The following FRA10AC1 variants were observed in gnomAD, a reference collection of about 807,000 sequenced individuals.
FRA10AC1 encodes the protein protein FRA10AC1.
A neutral mutation model predicts 56.5 loss-of-function variants in FRA10AC1; 43 were observed. That is an observed-to-expected ratio of 0.76 (90% CI 0.60 to 0.98). FRA10AC1 has a LOEUF of 0.98. Ranked by LOEUF, FRA10AC1 falls within the 50% of genes least tolerant of loss-of-function variation. FRA10AC1 has a pLI of 0.00. For missense variants in FRA10AC1, 346 were observed against 351.8 expected (o/e 0.98, Z 0.13); for synonymous variants, 112 against 110.5 (o/e 1.01, Z -0.09).
At chr10:93,684,262 T>C (rs2058986557) in intron 9 of FRA10AC1, among the ~76,000 whole-genome samples, 164 bp from the exon 10 acceptor site, 1 of 152,086 alleles carries the variant, frequency 6.6e-6, no homozygotes, top group South Asian at 2.1e-4. Context: ...AAAATGCAAA[T>C]ATATACACAC....
At chr10:93,701,812 G>GAAC (rs2059337477) in intron 1 of FRA10AC1, among the ~76,000 whole-genome samples, 1 of 151,952 alleles carries the variant, frequency 6.6e-6, no homozygotes, top group Non-Finnish European at 1.5e-5. Context: ...TGTGTTTAGA[G>GAAC]ATATATTCTA....
intron 12 of FRA10AC1, 35 bp from the exon 13 acceptor site, chr10:93,670,883 ATTATAC>A (rs750702644): frequency 2.2e-6 from 3 of 1,382,876 alleles, no homozygotes; most frequent in Non-Finnish European, 3.1e-6. Flanking sequence ...TTAAAAACCT[ATTATAC>A]TTAAAGCACA....
chr10:93,692,199 A>C (rs2059135408), intron 6 of FRA10AC1, 106 bp from the exon 7 acceptor site: 3 of 790,698 alleles, frequency 3.8e-6, no homozygotes, highest in Admixed American at 3.8e-5. Context: ...TAATGTTTTA[A>C]GAGAACTATT....
chr10:93,671,139 T>A, intron 12 of FRA10AC1: 1 of 288,040 alleles, frequency 3.5e-6, no homozygotes, highest in Non-Finnish European at 6.7e-6. Flanking sequence ...GTAAGTCAAT[T>A]ATCTCTTGCA....
chr10:93,682,907 G>T (rs534857404), intron 10 of FRA10AC1, among the ~76,000 whole-genome samples: 1 of 151,540 alleles, frequency 6.6e-6, no homozygotes, highest in South Asian at 2.1e-4. Flanking sequence ...TACTATATAG[G>T]CACATTTATA....
At chr10:93,702,590 TCCGGTCCG>T in exon 1 of FRA10AC1, 1 of 221,974 alleles carries the variant, frequency 4.5e-6, no homozygotes, top group Non-Finnish European at 8.9e-6. Flanking sequence ...GGGCACCACT[TCCGGTCCG>T]ACACGGCCAC....
At chr10:93,692,977 C>T (rs762390106) in intron 5 of FRA10AC1, among the ~76,000 whole-genome samples, 3 of 151,970 alleles carry the variant, frequency 2.0e-5, no homozygotes, top group Admixed American at 6.6e-5. Context: ...TTCAATTATA[C>T]AAATGGTGCT....
intron 2 of FRA10AC1, 69 bp downstream of exon 2, chr10:93,699,959 CTT>C (rs757909498): frequency 8.5e-5 from 72 of 849,540 alleles, no homozygotes; most frequent in East Asian, 5.6e-4. Context: ...AAATTTCACT[CTT>C]GTTTATTTAT....
In FRA10AC1 at chr10:93,689,483, A is replaced by T. The variant is rs150742848; in HGVS notation, c.466-2034T>A. On this transcript the variant is annotated intron_variant, in intron 7 of 13. Coordinates refer to ENST00000359204, the MANE Select transcript of FRA10AC1 (RefSeq NM_145246.5). ...ATGTGGAGATTGCTTGCCATCCAAC[A>T]TATGTTAGGATGTCTACTGAAGCAC... Among the ~76,000 whole-genome samples, 400 of 152,214 alleles carry T rather than the reference A, an allele frequency of 2.6e-3. 1 individual carries two copies. The highest frequency in any genetic ancestry group is 4.4e-3 in the Non-Finnish European group (302 of 68,016).
intron 11 of FRA10AC1, among the ~76,000 whole-genome samples, chr10:93,677,186 C>A (rs2058855827): frequency 6.6e-6 from 1 of 151,702 alleles, no homozygotes; most frequent in East Asian, 1.9e-4. Flanking sequence ...CAATGGTCAT[C>A]CAGTGAGAGA....
intron 4 of FRA10AC1, among the ~76,000 whole-genome samples, chr10:93,697,306 T>C (rs2059249640): frequency 6.6e-6 from 1 of 152,124 alleles, no homozygotes; most frequent in African/African-American, 2.4e-5. Flanking sequence ...AGCTAGCTAT[T>C]GGGTTAGGAG....
intron 5 of FRA10AC1, among the ~76,000 whole-genome samples, chr10:93,693,547 T>TACAC (rs1554896311): frequency 2.5e-4 from 31 of 125,690 alleles, no homozygotes; most frequent in African/African-American, 9.4e-4. Context: ...TATATATATA[T>TACAC]ACACACATAC....
At chr10:93,677,476 G>T (rs1445457510) in intron 11 of FRA10AC1, among the ~76,000 whole-genome samples, 1 of 152,116 alleles carries the variant, frequency 6.6e-6, no homozygotes, top group Non-Finnish European at 1.5e-5. Context: ...CTCTAATGAG[G>T]AACATGATAC....
intron 8 of FRA10AC1, among the ~76,000 whole-genome samples, chr10:93,686,561 T>C (rs927374789): frequency 6.6e-6 from 1 of 151,810 alleles, no homozygotes; most frequent in African/African-American, 2.4e-5. Context: ...AAAGTTAAAA[T>C]AGCTTTAAAT....
intron 7 of FRA10AC1, among the ~76,000 whole-genome samples, chr10:93,689,796 T>C (rs889309289): frequency 6.6e-6 from 1 of 152,210 alleles, no homozygotes; most frequent in African/African-American, 2.4e-5. Context: ...TGAGCCTCCT[T>C]TTCTTCTCAC....
At chr10:93,698,044 G>T in intron 4 of FRA10AC1, 92 bp downstream of exon 4, 1 of 683,500 alleles carries the variant, frequency 1.5e-6, no homozygotes, top group Non-Finnish European at 2.3e-6. Flanking sequence ...AAATAAAAAA[G>T]CCTATTTGAC....
intron 12 of FRA10AC1, chr10:93,675,804 A>G (rs920768833): frequency 5.6e-6 from 1 of 177,190 alleles, no homozygotes; most frequent in Non-Finnish European, 1.3e-5. Flanking sequence ...TAGATATGCT[A>G]TTGAACTACA....
intron 11 of FRA10AC1, among the ~76,000 whole-genome samples, chr10:93,677,785 C>T (rs1469886546): frequency 3.3e-5 from 5 of 152,146 alleles, no homozygotes; most frequent in African/African-American, 1.2e-4. Flanking sequence ...CTGGAAGGGT[C>T]TGAGATTGTG....
At chr10:93,683,632 T>C (rs2133912804) in intron 10 of FRA10AC1, among the ~76,000 whole-genome samples, 1 of 152,340 alleles carries the variant, frequency 6.6e-6, no homozygotes, top group Non-Finnish European at 1.5e-5. Flanking sequence ...ATTACAGGCA[T>C]GAGCCACCGC....
Sources: gnomAD v4.1 joint callset for allele counts (sites outside exome capture counted in the v4.1 genomes callset) on GRCh38, gnomAD v4.1.1 for gene constraint, MANE v1.5 for transcripts, NCBI Gene and HGNC (gene_info 2026-07-23, HGNC 2026-07-21) for gene names.